The following NECTIN2 variants were observed in gnomAD, a reference collection of about 807,000 sequenced individuals.
NECTIN2 encodes nectin-2.
NECTIN2 carries 23 observed loss-of-function variants against 56.9 expected under a neutral mutation model. The observed-to-expected ratio is 0.40, with a 90% confidence interval of 0.29 to 0.57. NECTIN2 has a LOEUF of 0.57. Among genes scored for constraint, NECTIN2 ranks in the 20% least tolerant of loss-of-function variants. The pLI is 0.38. For missense variants in NECTIN2, 587 were observed against 718.3 expected, an observed-to-expected ratio of 0.82 and a Z score of 2.09; for synonymous variants, 302 against 313.8, an observed-to-expected ratio of 0.96 and a Z score of 0.40.
intron 1 of NECTIN2, among the ~76,000 whole-genome samples, chr19:44,849,772 C>T (rs146098953): frequency 1.6e-3 from 239 of 152,148 alleles, no homozygotes; most frequent in African/African-American, 5.3e-3. Context: ...GAGACCCAGA[C>T]GGAGAAAGAG....
chr19:44,877,076 C>T (rs1969247647), intron 5 of NECTIN2, among the ~76,000 whole-genome samples: 1 of 152,084 alleles, frequency 6.6e-6, no homozygotes, highest in African/African-American at 2.4e-5. Context: ...CACCCTACCC[C>T]CTACCAAAAA....
chr19:44,854,697 C>T (rs1053025882), intron 1 of NECTIN2, among the ~76,000 whole-genome samples: 1 of 152,002 alleles, frequency 6.6e-6, no homozygotes, highest in African/African-American at 2.4e-5. Context: ...CCTGTAATCC[C>T]AGCTACTTGG....
chr19:44,846,361 G>GA lies in NECTIN2; in HGVS notation c.-164dup. The GA allele has an allele frequency of 3.5e-6, 3 of 851,264 alleles. No individual in the cohort carries two copies. The highest frequency in any genetic ancestry group is 3.3e-6 in the Non-Finnish European group (2 of 613,470). 52.7% of individuals were successfully genotyped at this position (851,264 alleles called of 1,614,324 possible). Reference sequence around the variant, plus strand: ...GGCCGGGGGTGCCGAGCCGGGCGGGGAGAGCTGGGCCGGGAGAGCAGAACA... The same window carrying GA: ...GGCCGGGGGTGCCGAGCCGGGCGGGGAAGAGCTGGGCCGGGAGAGCAGAACA... On this transcript the variant is annotated 5_prime_UTR_variant, in exon 1 of 9. Coordinates refer to ENST00000252483, the MANE Select transcript of NECTIN2 (RefSeq NM_001042724.2).
intron 5 of NECTIN2, chr19:44,878,864 G>C: frequency 7.7e-7 from 1 of 1,303,660 alleles, no homozygotes; most frequent in African/African-American, 1.5e-5. Flanking sequence ...CCCGCCCCCA[G>C]AGACTTGGTT....
chr19:44,848,685 TC>T, intron 1 of NECTIN2, among the ~76,000 whole-genome samples: 1 of 119,408 alleles, frequency 8.4e-6, no homozygotes, highest in East Asian at 2.3e-4. Flanking sequence ...CTCTCTCCCC[TC>T]CCCCTCCCTG....
At chr19:44,862,144 T>G (rs1969037846) in intron 1 of NECTIN2, among the ~76,000 whole-genome samples, 2 of 152,164 alleles carry the variant, frequency 1.3e-5, no homozygotes, top group Non-Finnish European at 2.9e-5. Flanking sequence ...GGCCGGGCAC[T>G]GTGGCTGACG....
At chr19:44,853,679 G>C (rs567570569) in intron 1 of NECTIN2, among the ~76,000 whole-genome samples, 4 of 143,636 alleles carry the variant, frequency 2.8e-5, no homozygotes, top group Non-Finnish European at 6.1e-5. Context: ...AGTAGAGACG[G>C]GGTTTCACCA....
chr19:44,846,763 ACC>A (rs1968840261), intron 1 of NECTIN2, 150 bp downstream of exon 1: 8 of 766,028 alleles, frequency 1.0e-5, no homozygotes, highest in Non-Finnish European at 1.5e-5. Flanking sequence ...ACAGACTCCG[ACC>A]CCCTACACGT....
At chr19:44,882,485 G>C in intron 6 of NECTIN2, 121 bp downstream of exon 6, 3 of 957,644 alleles carry the variant, frequency 3.1e-6, no homozygotes, top group Non-Finnish European at 1.4e-6. Flanking sequence ...AGACCTAAAG[G>C]AACTGGGGTC....
intron 2 of NECTIN2, among the ~76,000 whole-genome samples, chr19:44,870,861 C>G (rs1969166502): frequency 6.6e-6 from 1 of 151,988 alleles, no homozygotes. Flanking sequence ...TCCCGAGTAC[C>G]TGGGATTACA....
chr19:44,864,442 C>T (rs958956699), intron 1 of NECTIN2, among the ~76,000 whole-genome samples: 1 of 152,142 alleles, frequency 6.6e-6, no homozygotes. Context: ...TTCCTCCCAC[C>T]TTGGCCTCCC....
chr19:44,867,996 G>A lies in NECTIN2; in HGVS notation c.478+2336G>A, dbSNP rs1368592969. On this transcript the variant is annotated intron_variant, in intron 2 of 8. Coordinates refer to ENST00000252483, the MANE Select transcript of NECTIN2 (RefSeq NM_001042724.2). ...CAGTGGGGGGCAGAGGGAAGCGGGC[G>A]GCATATAGTGGTGTTTTTAGAAGAT... is the stretch of plus-strand genomic sequence containing the variant. 2.6e-5 allele frequency among the ~76,000 whole-genome samples: 4 copies of A among 152,032 alleles called. No homozygotes were observed. The East Asian group carries it at 5.8e-4, about 22-fold the overall frequency.
At chr19:44,882,434 G>C in intron 6 of NECTIN2, 70 bp downstream of exon 6, 2 of 1,269,764 alleles carry the variant, frequency 1.6e-6, no homozygotes, top group Admixed American at 8.2e-5. Context: ...GTAGGGGTGA[G>C]GGTGGGAGAA....
intron 1 of NECTIN2, among the ~76,000 whole-genome samples, chr19:44,850,036 CAGATA>C (rs1343876819): frequency 6.6e-6 from 1 of 152,138 alleles, no homozygotes; most frequent in African/African-American, 2.4e-5. Context: ...CTGGGGGACA[CAGATA>C]AGAGTGACAG....
intron 5 of NECTIN2, among the ~76,000 whole-genome samples, chr19:44,876,570 C>T (rs780114617): frequency 1.8e-4 from 27 of 152,122 alleles, no homozygotes; most frequent in Non-Finnish European, 3.4e-4. Context: ...CAGCCACAGC[C>T]AGAGGAGACA....
rs548931031 is a variant in NECTIN2 at position 44,879,452 on chromosome 19, G to A, written c.1043-2759G>A. Among the ~76,000 whole-genome samples the A allele has an allele frequency of 2.4e-4, 36 of 152,142 alleles. 1 individual carries two copies. The South Asian group carries it at 7.5e-3, about 32-fold the overall frequency. ...GGGCTGCTCCCCACTCCCATTCTTA[G>A]GGGCCCTGAGGGCATGGGGCAGGCG... On this transcript the variant is annotated intron_variant, in intron 5 of 8. Coordinates refer to ENST00000252483, the MANE Select transcript of NECTIN2 (RefSeq NM_001042724.2).
rs1969082220 is a variant in NECTIN2, at chr19:44,865,144, T to C, written c.89-127T>C. 1 of 1,038,196 alleles carries C rather than the reference T, an allele frequency of 9.6e-7. No individual in the cohort carries two copies. The highest frequency in any genetic ancestry group is 1.4e-6 in the Non-Finnish European group (1 of 714,622). The allele number at this position is 1,038,196 out of a possible 1,614,324, so 64.3% of individuals were successfully genotyped here. A position where few individuals can be genotyped will look rare whatever the true frequency, so the allele number is the denominator to read the frequency against. ...GGTGGCTTTTTTGGAATCAGGATGC[T>C]GCGAAGCTGCCTACGTTGCATGCGG... On this transcript the variant is annotated intron_variant, in intron 1 of 8. Coordinates refer to ENST00000252483, the MANE Select transcript of NECTIN2 (RefSeq NM_001042724.2). This position sits in a 1 kb window ranked among gnomAD's most constrained non-coding sequence, Gnocchi z 5.2.
chr19:44,847,620 C>A (rs1406164270), intron 1 of NECTIN2, among the ~76,000 whole-genome samples: 1 of 152,152 alleles, frequency 6.6e-6, no homozygotes, highest in East Asian at 1.9e-4. Context: ...GGCCCCGAGT[C>A]CCAGAGGCTG....
intron 2 of NECTIN2, among the ~76,000 whole-genome samples, chr19:44,871,372 T>A (rs1271999483): frequency 6.6e-6 from 1 of 151,812 alleles, no homozygotes; most frequent in Non-Finnish European, 1.5e-5. Context: ...ACAAAAAAAT[T>A]TAAAAATTAG....
Sources: gnomAD v4.1 joint callset for allele counts (sites outside exome capture counted in the v4.1 genomes callset) on GRCh38, gnomAD v4.1.1 for gene constraint, Gnocchi (gnomAD v3.1) non-coding constraint, MANE v1.5 for transcripts, NCBI Gene and HGNC (gene_info 2026-07-23, HGNC 2026-07-21) for gene names.